RAB11B: variants seen among roughly 807,000 people sequenced by gnomAD.
The protein encoded by RAB11B is RAB11B, member RAS oncogene family, also known as ras-related protein Rab-11B.
In RAB11B, 7 loss-of-function variants were observed where a neutral mutation model predicts 23.7. That is an observed-to-expected ratio of 0.29 (90% CI 0.17 to 0.55). The LOEUF is 0.55. Among genes scored for constraint, RAB11B ranks in the 20% least tolerant of loss-of-function variants. The pLI is 0.93. For synonymous variants in RAB11B, 138 were observed against 132.0 expected (o/e 1.05, Z -0.31); for missense variants, 189 against 320.0 (o/e 0.59, Z 3.12).
chr19:8,390,479 G>T, intron 1 of RAB11B, 23 bp downstream of exon 1: 2 of 1,485,904 alleles, frequency 1.3e-6, no homozygotes, highest in Non-Finnish European at 1.8e-6. Context: ...GGGCACAGAC[G>T]GGCGAAGTCG....
In RAB11B at chr19:8,402,200, C is replaced by T. The variant is rs79270668; in HGVS notation, c.351C>T (p.Ile117=). 9.9e-5 allele frequency: 157 copies of T among 1,588,086 alleles called. 2 individuals carry two copies. The highest frequency in any genetic ancestry group is 7.8e-4 in the African/African-American group (58 of 74,476). The change falls in exon 3 of 5, where the codon ATC becomes ATT. Residue 117 remains isoleucine (I), a synonymous_variant. Transcript: ENST00000328024. ...KELRDHADSN[I]VIMLVGNKSD... The stretch of plus-strand genomic sequence containing the variant: ...TGCGGGACCACGCAGACAGCAACAT[C>T]GTCATCATGCTGGTGGGCAACAAGA...
chr19:8,403,417 C>A lies in RAB11B; in HGVS notation c.516C>A (p.Ile172=). 1.5e-5 allele frequency: 25 copies of A among 1,613,146 alleles called. No homozygotes were observed. The highest frequency in any genetic ancestry group is 2.0e-5 in the Non-Finnish European group (23 of 1,179,430). ...EEAFKNILTE[I]YRIVSQKQIA... ...CCCCCTGTACCCCCTTTGCAGAGAT[C>A]TACCGCATCGTGTCACAGAAACAGA... Residue 172 remains isoleucine (I), a synonymous_variant, in exon 5 of 5, where the codon ATC becomes ATA. Coordinates refer to ENST00000328024, the MANE Select transcript of RAB11B (RefSeq NM_004218.4).
intron 1 of RAB11B, among the ~76,000 whole-genome samples, chr19:8,399,376 C>T (rs567274688): frequency 2.6e-5 from 4 of 152,352 alleles, no homozygotes; most frequent in Non-Finnish European, 5.9e-5. Context: ...GCGGGAGCCA[C>T]CGTGCCTGGC....
Position 8,404,388 on chromosome 19 carries a change from C to T in RAB11B, c.*830C>T, listed in dbSNP as rs1160922022. The T allele has an allele frequency of 6.6e-6, 1 of 152,286 alleles. No individual in the cohort carries two copies. Among genetic ancestry groups the T allele is most frequent in the Non-Finnish European group, 1.5e-5 (1 of 68,114 alleles). 9.4% of individuals were successfully genotyped at this position (152,286 alleles called of 1,614,324 possible). ...CCCTGCGCTGTTGCCCCGTCCCCGT[C>T]ACCCCGCCCGTTACTGAAATGTATA... On this transcript the variant is annotated 3_prime_UTR_variant, in exon 5 of 5. Transcript: ENST00000328024.
intron 1 of RAB11B, among the ~76,000 whole-genome samples, chr19:8,393,187 C>T (rs1036035582): frequency 3.3e-5 from 5 of 152,198 alleles, no homozygotes; most frequent in African/African-American, 1.2e-4. Flanking sequence ...AACATTTTCT[C>T]CTTTAGCCAT....
chr19:8,400,164 G>A (rs1971426493), intron 2 of RAB11B, 106 bp downstream of exon 2: 5 of 1,306,338 alleles, frequency 3.8e-6, no homozygotes, highest in Non-Finnish European at 5.3e-6. Flanking sequence ...AGGGGAGAGT[G>A]TGCTCCCAAG....
At chr19:8,397,566 G>T (rs964599351) in intron 1 of RAB11B, among the ~76,000 whole-genome samples, 10 of 152,070 alleles carry the variant, frequency 6.6e-5, no homozygotes, top group African/African-American at 1.9e-4. Flanking sequence ...TTCTAGGACT[G>T]GGGGACAGGA....
chr19:8,397,837 ACAGCCATAC>A (rs1184141492), intron 1 of RAB11B, among the ~76,000 whole-genome samples: 1 of 151,970 alleles, frequency 6.6e-6, no homozygotes, highest in African/African-American at 2.4e-5. Context: ...CTCAGGAGGA[ACAGCCATAC>A]CCATCTCTTC....
At chr19:8,399,682 C>T (rs528914749) in intron 1 of RAB11B, among the ~76,000 whole-genome samples, 181 bp from the exon 2 acceptor site, 3 of 152,198 alleles carry the variant, frequency 2.0e-5, no homozygotes, top group Admixed American at 6.5e-5. Flanking sequence ...AAGGCAGGAG[C>T]CTGCCTTCAC....
intron 1 of RAB11B, among the ~76,000 whole-genome samples, chr19:8,391,858 G>C (rs1179421362): frequency 2.0e-5 from 3 of 151,850 alleles, no homozygotes; most frequent in Non-Finnish European, 4.4e-5. Flanking sequence ...GCCTTCCGGG[G>C]GGAGGGAGAG....
chr19:8,398,801 G>A (rs1254521125), intron 1 of RAB11B, among the ~76,000 whole-genome samples: 1 of 151,976 alleles, frequency 6.6e-6, no homozygotes, highest in Non-Finnish European at 1.5e-5. Flanking sequence ...CTTTTCGTGG[G>A]GGGAGACAGA....
chr19:8,402,409 G>A (rs1243124214), intron 3 of RAB11B, 76 bp from the exon 4 acceptor site: 6 of 1,563,316 alleles, frequency 3.8e-6, no homozygotes, highest in East Asian at 2.3e-5. Flanking sequence ...CCAGGTGGGT[G>A]GGCGGGGTCC....
chr19:8,394,542 T>C (rs1798885769), intron 1 of RAB11B, among the ~76,000 whole-genome samples: 2 of 152,202 alleles, frequency 1.3e-5, no homozygotes, highest in South Asian at 4.1e-4. Flanking sequence ...GGGAGAATGA[T>C]AATATTTACA....
chr19:8,390,386 A>C lies in RAB11B; in HGVS notation c.-31A>C, dbSNP rs539864495. 2.6e-6 allele frequency: 4 copies of C among 1,526,148 alleles called. No homozygotes were observed. Among genetic ancestry groups the C allele is most frequent in the African/African-American group, 1.4e-5 (1 of 69,288 alleles). 94.5% of individuals were successfully genotyped at this position (1,526,148 alleles called of 1,614,324 possible). On this transcript the variant is annotated 5_prime_UTR_variant, in exon 1 of 5. Transcript: ENST00000328024. ...TCGGGTGTTTGTGGTGGGGCTGCGG[A>C]GTCGCCGATCCCGCCGGAAGCGCCA...
chr19:8,403,953 C>A lies in RAB11B; in HGVS notation c.*395C>A. ...GCCCAGCCAGCCCGTCGTCCCCACCCAGAACCGTGCTCTGGGCCAAAGCCC... is the reference window on the plus strand; with the variant it reads ...GCCCAGCCAGCCCGTCGTCCCCACCAAGAACCGTGCTCTGGGCCAAAGCCC... On this transcript the variant is annotated 3_prime_UTR_variant, in exon 5 of 5. Coordinates refer to ENST00000328024, the MANE Select transcript of RAB11B (RefSeq NM_004218.4). 5.6e-6 allele frequency: 1 copy of A among 177,228 alleles called. No individual in the cohort carries two copies. The highest frequency in any genetic ancestry group is 1.2e-5 in the Non-Finnish European group (1 of 83,846). The allele number at this position is 177,228 out of a possible 1,614,324, so 11.0% of individuals were successfully genotyped here. A position where few individuals can be genotyped will look rare whatever the true frequency, so the allele number is the denominator to read the frequency against.
chr19:8,396,495 A>G lies in RAB11B; in HGVS notation c.41-3368A>G, dbSNP rs369096133. ...TGGGTCCGGGAGCAGGGTAATTCGGAGAGTAGAGTTTTAGTAGCATAGCAG... is the reference window on the plus strand; with the variant it reads ...TGGGTCCGGGAGCAGGGTAATTCGGGGAGTAGAGTTTTAGTAGCATAGCAG... On this transcript the variant is annotated intron_variant, in intron 1 of 4. Coordinates refer to ENST00000328024, the MANE Select transcript of RAB11B (RefSeq NM_004218.4). This position sits in a 1 kb window ranked among gnomAD's most constrained non-coding sequence, Gnocchi z 5.0. Among the ~76,000 whole-genome samples, 10 of 152,080 alleles carry G rather than the reference A, an allele frequency of 6.6e-5. 3 individuals carry two copies. The highest frequency in any genetic ancestry group is 1.3e-4 in the Admixed American group (2 of 15,250).
chr19:8,390,625 C>A, intron 1 of RAB11B, 169 bp downstream of exon 1: 1 of 657,614 alleles, frequency 1.5e-6, no homozygotes, highest in Non-Finnish European at 2.2e-6. Flanking sequence ...CAGCTTCGGG[C>A]TAGGATGCGC....
At chr19:8,398,178 C>T (rs1011100684) in intron 1 of RAB11B, among the ~76,000 whole-genome samples, 2 of 152,180 alleles carry the variant, frequency 1.3e-5, no homozygotes, top group Non-Finnish European at 2.9e-5. Flanking sequence ...CCTGGCCTGA[C>T]CAGCAGGCAC....
intron 4 of RAB11B, chr19:8,403,014 G>T (rs914027759): frequency 1.2e-5 from 4 of 324,654 alleles, no homozygotes; most frequent in African/African-American, 8.6e-5. Context: ...TAAACCTGCC[G>T]GTCCACCTGG....
Sources: allele counts gnomAD v4.1 joint callset (sites outside exome capture counted in the v4.1 genomes callset), GRCh38; gene constraint gnomAD v4.1.1; non-coding constraint Gnocchi (gnomAD v3.1); transcripts MANE v1.5; gene names NCBI Gene and HGNC (gene_info 2026-07-23, HGNC 2026-07-21).